SLC9A9: variants seen among roughly 807,000 people sequenced by gnomAD.
The protein encoded by SLC9A9 is solute carrier family 9 member A9, also known as sodium/hydrogen exchanger 9.
In SLC9A9, 62 loss-of-function variants were observed where a neutral mutation model predicts 77.8. The ratio of observed to expected loss-of-function variants is 0.80; its 90% CI spans 0.65 to 0.98. The LOEUF (loss-of-function observed/expected upper bound fraction) is 0.98. Among genes scored for constraint, SLC9A9 ranks in the 50% least tolerant of loss-of-function variants. The pLI, the probability that SLC9A9 is intolerant of heterozygous loss-of-function variation, is 0.00. For synonymous variants in SLC9A9, 320 were observed against 283.5 expected (o/e 1.13, Z -1.29); for missense variants, 775 against 774.9 (o/e 1.00, Z 0.00).
At chr3:143,463,841 A>G (rs2035238292) in intron 12 of SLC9A9, among the ~76,000 whole-genome samples, 1 of 152,214 alleles carries the variant, frequency 6.6e-6, no homozygotes, top group Non-Finnish European at 1.5e-5. Flanking sequence ...TTTGGTTCAC[A>G]TATAAAGATC....
chr3:143,495,282 A>G (rs2035813320), intron 10 of SLC9A9, 53 bp downstream of exon 10: 1 of 1,415,966 alleles, frequency 7.1e-7, no homozygotes, highest in Non-Finnish European at 1.0e-6. Context: ...TCGTAAAAGT[A>G]AGTCATTCGT....
intron 4 of SLC9A9, among the ~76,000 whole-genome samples, chr3:143,698,301 A>T (rs2108786542): frequency 6.6e-6 from 1 of 152,312 alleles, no homozygotes; most frequent in Non-Finnish European, 1.5e-5. Flanking sequence ...AAAAACTAAA[A>T]TCATTAATAA....
intron 5 of SLC9A9, among the ~76,000 whole-genome samples, chr3:143,667,301 C>A (rs1335088837): frequency 1.3e-5 from 2 of 151,038 alleles, no homozygotes; most frequent in East Asian, 3.8e-4. Flanking sequence ...AAACTGGATC[C>A]CTTCCTTACA....
intron 14 of SLC9A9, among the ~76,000 whole-genome samples, chr3:143,305,521 T>A (rs1027436387): frequency 1.3e-5 from 2 of 152,220 alleles, no homozygotes; most frequent in Non-Finnish European, 2.9e-5. Context: ...AAAGGCAATA[T>A]TGTTGCTTTG....
chr3:143,723,028 T>C (rs954507050), intron 4 of SLC9A9, among the ~76,000 whole-genome samples: 1 of 152,136 alleles, frequency 6.6e-6, no homozygotes, highest in African/African-American at 2.4e-5. Context: ...TCCCCTCAGT[T>C]TCCTGACTAT....
At chr3:143,687,076 A>G (rs1933296253) in intron 5 of SLC9A9, among the ~76,000 whole-genome samples, 1 of 152,066 alleles carries the variant, frequency 6.6e-6, no homozygotes, top group Non-Finnish European at 1.5e-5. Context: ...CAAGATCTTC[A>G]TCAGTAAGGA....
chr3:143,687,326 C>G (rs191235451), intron 5 of SLC9A9, among the ~76,000 whole-genome samples: 1 of 152,212 alleles, frequency 6.6e-6, no homozygotes, highest in Non-Finnish European at 1.5e-5. Flanking sequence ...GGTTTCCTCT[C>G]GTAAATTAGT....
intron 14 of SLC9A9, among the ~76,000 whole-genome samples, chr3:143,279,586 C>T (rs1938156059): frequency 6.6e-6 from 1 of 152,068 alleles, no homozygotes; most frequent in African/African-American, 2.4e-5. Context: ...CTCAACGGGC[C>T]CCAGTGTGTG....
chr3:143,793,760 G>T (rs1287139012), intron 4 of SLC9A9, among the ~76,000 whole-genome samples: 5 of 152,204 alleles, frequency 3.3e-5, no homozygotes, highest in African/African-American at 1.2e-4. Flanking sequence ...ATGAGAGGCT[G>T]TAGTTACACA....
intron 4 of SLC9A9, among the ~76,000 whole-genome samples, chr3:143,719,389 C>G (rs914306268): frequency 1.3e-5 from 2 of 151,898 alleles, no homozygotes; most frequent in African/African-American, 4.8e-5. Flanking sequence ...GGGAAAATGT[C>G]CCCTTTTCCT....
intron 13 of SLC9A9, 134 bp from the exon 14 acceptor site, chr3:143,363,697 T>C: frequency 1.3e-6 from 1 of 751,258 alleles, no homozygotes; most frequent in Non-Finnish European, 2.1e-6. Flanking sequence ...TTCATCTAAA[T>C]GGTGAAGCAG....
chr3:143,547,541 C>A lies in SLC9A9; in HGVS notation c.1089+4821G>T, dbSNP rs550287146. 3.9e-5 allele frequency among the ~76,000 whole-genome samples: 6 copies of A among 152,328 alleles called. No homozygotes were observed. The East Asian group carries it at 1.2e-3, about 29-fold the overall frequency. The stretch of plus-strand genomic sequence containing the variant: ...TTAAAGGTCTCAAGTGTTTCCCCAC[C>A]TCATTTGGGCTCTCCATGACCTGTC... On this transcript the variant is annotated intron_variant, in intron 9 of 15. Transcript: ENST00000316549.
At chr3:143,593,744 T>TA (rs1185391882) in intron 6 of SLC9A9, among the ~76,000 whole-genome samples, 1 of 152,240 alleles carries the variant, frequency 6.6e-6, no homozygotes, top group Non-Finnish European at 1.5e-5. Context: ...AAGCCTACCT[T>TA]ATCACTTAAT....
chr3:143,498,311 T>G (rs1252251217), intron 9 of SLC9A9, among the ~76,000 whole-genome samples: 1 of 152,164 alleles, frequency 6.6e-6, no homozygotes, highest in Non-Finnish European at 1.5e-5. Context: ...CACCCTACAT[T>G]ATTCAGAATT....
chr3:143,580,271 G>A (rs2037430585), intron 6 of SLC9A9, among the ~76,000 whole-genome samples: 1 of 152,186 alleles, frequency 6.6e-6, no homozygotes, highest in African/African-American at 2.4e-5. Flanking sequence ...AAACAAGAGT[G>A]ATGAGAAAGC....
chr3:143,419,853 G>A (rs531543577), intron 12 of SLC9A9, among the ~76,000 whole-genome samples: 287 of 152,318 alleles, frequency 1.9e-3, no homozygotes, highest in African/African-American at 6.7e-3. Context: ...AGTCCTTTTA[G>A]TGTCTGAGCA....
At chr3:143,792,845 T>G (rs1350655730) in intron 4 of SLC9A9, among the ~76,000 whole-genome samples, 3 of 152,178 alleles carry the variant, frequency 2.0e-5, no homozygotes, top group Non-Finnish European at 4.4e-5. Flanking sequence ...TCTTAAATGG[T>G]ACCCATTTTA....
At chr3:143,663,246 C>G (rs2039009008) in intron 5 of SLC9A9, among the ~76,000 whole-genome samples, 1 of 152,178 alleles carries the variant, frequency 6.6e-6, no homozygotes, top group Non-Finnish European at 1.5e-5. Context: ...GGAAAACTAG[C>G]AAACAGAAAG....
chr3:143,295,026 T>A (rs1419753440), intron 14 of SLC9A9, among the ~76,000 whole-genome samples: 1 of 152,248 alleles, frequency 6.6e-6, no homozygotes. Flanking sequence ...TAGAAAAAGC[T>A]GATGTTACCT....
Sources: gnomAD v4.1 joint callset for allele counts (sites outside exome capture counted in the v4.1 genomes callset) on GRCh38, gnomAD v4.1.1 for gene constraint, MANE v1.5 for transcripts, NCBI Gene and HGNC (gene_info 2026-07-23, HGNC 2026-07-21) for gene names.